COLGALT2: variants seen among roughly 807,000 people sequenced by gnomAD.
COLGALT2 encodes the protein procollagen galactosyltransferase 2.
COLGALT2 carries 49 observed loss-of-function variants against 73.4 expected under a neutral mutation model. The observed-to-expected ratio is 0.67, with a 90% CI of 0.53 to 0.85. The LOEUF is 0.85. Among genes scored for constraint, COLGALT2 ranks in the 40% least tolerant of loss-of-function variants. COLGALT2 has a pLI of 0.00. For synonymous variants in COLGALT2, 295 were observed against 307.6 expected, an observed-to-expected ratio of 0.96 and a Z score of 0.43; for missense variants, 722 against 790.2, an observed-to-expected ratio of 0.91 and a Z score of 1.03.
At chr1:183,967,406 A>G (rs544426674) in intron 5 of COLGALT2, among the ~76,000 whole-genome samples, 141 of 152,336 alleles carry the variant, frequency 9.3e-4, no homozygotes, top group African/African-American at 3.3e-3. Context: ...TTCCCAAATG[A>G]GTCACCAAAC....
intron 1 of COLGALT2, among the ~76,000 whole-genome samples, chr1:184,009,410 C>G (rs1348430902): frequency 1.3e-5 from 2 of 152,194 alleles, no homozygotes; most frequent in African/African-American, 2.4e-5. Context: ...ATGATTCTTA[C>G]CTTGTCCCTT....
intron 1 of COLGALT2, among the ~76,000 whole-genome samples, chr1:184,008,861 T>G (rs1302974994): frequency 1.3e-5 from 2 of 152,198 alleles, no homozygotes; most frequent in African/African-American, 4.8e-5. Flanking sequence ...GTTTGCAAAC[T>G]ATCTCAAATA....
chr1:184,006,993 C>G (rs7534028), intron 1 of COLGALT2, among the ~76,000 whole-genome samples: 5,836 of 152,236 alleles, frequency 0.038, 371 homozygotes, highest in African/African-American at 0.13. Flanking sequence ...AACTACTATC[C>G]CTCAAGATTT....
At chr1:183,993,620 C>A (rs1671690574) in intron 1 of COLGALT2, among the ~76,000 whole-genome samples, 1 of 152,158 alleles carries the variant, frequency 6.6e-6, no homozygotes, top group Non-Finnish European at 1.5e-5. Context: ...CCCTTCCTTC[C>A]CCAGCCCCAG....
intron 1 of COLGALT2, among the ~76,000 whole-genome samples, chr1:184,021,331 C>T (rs1215634315): frequency 6.6e-6 from 1 of 152,146 alleles, no homozygotes; most frequent in Non-Finnish European, 1.5e-5. Flanking sequence ...CCCCAAAGTT[C>T]ATGTGTTGGA....
intron 1 of COLGALT2, among the ~76,000 whole-genome samples, chr1:184,033,427 T>C (rs981406512): frequency 6.6e-6 from 1 of 152,208 alleles, no homozygotes; most frequent in Non-Finnish European, 1.5e-5. Context: ...TTAGGACACA[T>C]GAAATAGATA....
At chr1:183,964,238 C>T (rs1213338824) in intron 5 of COLGALT2, 1 of 451,980 alleles carries the variant, frequency 2.2e-6, no homozygotes, top group Non-Finnish European at 3.9e-6. Context: ...TATTCTTCAG[C>T]CCAGAGGAAA....
chr1:183,988,039 C>T (rs1312126364), intron 1 of COLGALT2, among the ~76,000 whole-genome samples: 1 of 152,188 alleles, frequency 6.6e-6, no homozygotes, highest in African/African-American at 2.4e-5. Context: ...CACACATGCT[C>T]AGGGCACATA....
At chr1:183,960,306 T>C (rs1670664683) in intron 6 of COLGALT2, among the ~76,000 whole-genome samples, 1 of 152,202 alleles carries the variant, frequency 6.6e-6, no homozygotes, top group Admixed American at 6.5e-5. Flanking sequence ...CTTGGTCTGT[T>C]TCCTCTGCCT....
At chr1:183,949,287 A>C (rs1423312199) in intron 8 of COLGALT2, among the ~76,000 whole-genome samples, 2 of 152,186 alleles carry the variant, frequency 1.3e-5, no homozygotes, top group Non-Finnish European at 1.5e-5. Flanking sequence ...GCTGAGACAA[A>C]CTCGAAAAAG....
intron 1 of COLGALT2, among the ~76,000 whole-genome samples, chr1:184,028,252 G>C (rs1255816774): frequency 6.6e-6 from 1 of 152,176 alleles, no homozygotes; most frequent in Non-Finnish European, 1.5e-5. Flanking sequence ...AAGTTCTACT[G>C]TTAGTCTCTA....
Position 183,937,855 on chromosome 1 carries a change from A to G in COLGALT2, c.*906T>C, listed in dbSNP as rs1669999956. ...CTCTTAGCAGTGACTCACAGAACTCACACCTGCGGTGGGTTCCCAGGCTAA... is the reference window on the plus strand; with the variant it reads ...CTCTTAGCAGTGACTCACAGAACTCGCACCTGCGGTGGGTTCCCAGGCTAA... On this transcript the variant is annotated 3_prime_UTR_variant, in exon 12 of 12. Transcript: ENST00000361927. The G allele has an allele frequency of 1.0e-6, 1 of 985,340 alleles. No individual in the cohort carries two copies. The highest frequency in any genetic ancestry group is 4.7e-5 in the South Asian group (1 of 21,290). The allele number at this position is 985,340 out of a possible 1,614,324, so 61.0% of individuals were successfully genotyped here.
chr1:184,009,356 T>C (rs1572674109), intron 1 of COLGALT2, among the ~76,000 whole-genome samples: 1 of 152,254 alleles, frequency 6.6e-6, no homozygotes, highest in Non-Finnish European at 1.5e-5. Context: ...TTTCCTTCAA[T>C]CCTTTTTGGA....
intron 1 of COLGALT2, among the ~76,000 whole-genome samples, chr1:184,013,748 G>C (rs936417810): frequency 1.1e-4 from 14 of 124,428 alleles, no homozygotes; most frequent in African/African-American, 6.1e-4. Context: ...ATTGGTGGGA[G>C]GGGGGGTAAA....
intron 1 of COLGALT2, among the ~76,000 whole-genome samples, chr1:183,984,899 C>T (rs1671447209): frequency 6.6e-6 from 1 of 152,074 alleles, no homozygotes; most frequent in Admixed American, 6.6e-5. Flanking sequence ...GATGATGCTC[C>T]CAGGTCAACA....
chr1:183,939,396 C>T (rs1021251291), intron 11 of COLGALT2, among the ~76,000 whole-genome samples: 8 of 152,194 alleles, frequency 5.3e-5, no homozygotes, highest in African/African-American at 1.4e-4. Flanking sequence ...TGAGACACCT[C>T]ACATCTGGAC....
At chr1:184,001,659 C>T (rs1239748485) in intron 1 of COLGALT2, among the ~76,000 whole-genome samples, 1 of 152,230 alleles carries the variant, frequency 6.6e-6, no homozygotes, top group South Asian at 2.1e-4. Flanking sequence ...CCCAATTTCA[C>T]ATTTTCATAT....
At chr1:184,000,011 G>A (rs868283587) in intron 1 of COLGALT2, among the ~76,000 whole-genome samples, 1 of 151,682 alleles carries the variant, frequency 6.6e-6, no homozygotes, top group African/African-American at 2.4e-5. Flanking sequence ...TCACCTCTTA[G>A]CTTATTTAGT....
At chr1:184,007,877 A>T (rs559331583) in intron 1 of COLGALT2, among the ~76,000 whole-genome samples, 17 of 152,204 alleles carry the variant, frequency 1.1e-4, no homozygotes, top group Non-Finnish European at 1.9e-4. Context: ...AGAACTATTA[A>T]AGTAGAATAC....
Sources: gnomAD v4.1 joint callset for allele counts (sites outside exome capture counted in the v4.1 genomes callset) on GRCh38, gnomAD v4.1.1 for gene constraint, MANE v1.5 for transcripts, NCBI Gene and HGNC (gene_info 2026-07-23, HGNC 2026-07-21) for gene names.